GNG2: variants seen among roughly 807,000 people sequenced by gnomAD.
The protein encoded by GNG2 is G protein subunit gamma 2.
Under a neutral mutation model 5.5 loss-of-function variants are expected in GNG2, and 5 were observed. The ratio of observed to expected loss-of-function variants is 0.91; its 90% CI spans 0.48 to 1.92. The LOEUF is 1.92. GNG2 is among the 30% of genes most tolerant of loss of function. GNG2 has a pLI of 0.01. For missense variants in GNG2, 55 were observed against 88.4 expected (o/e 0.62, Z 1.52); for synonymous variants, 28 against 32.0 (o/e 0.88, Z 0.42).
chr14:51,890,446 T>C (rs1478242952), intron 2 of GNG2, among the ~76,000 whole-genome samples: 1 of 152,232 alleles, frequency 6.6e-6, no homozygotes. Flanking sequence ...GTAAAACCAA[T>C]GTAACTCTAC....
intron 2 of GNG2, among the ~76,000 whole-genome samples, chr14:51,940,587 TC>T (rs954509725): frequency 7.4e-4 from 113 of 152,294 alleles, no homozygotes; most frequent in African/African-American, 2.7e-3. Flanking sequence ...CTTTGTGACT[TC>T]CCAGTTGTTG....
chr14:51,850,669 G>A (rs1341989261), intron 2 of GNG2, among the ~76,000 whole-genome samples: 1 of 152,222 alleles, frequency 6.6e-6, no homozygotes, highest in Non-Finnish European at 1.5e-5. Context: ...CCATTCTGCA[G>A]TCTGAACAGG....
chr14:51,935,186 C>T (rs1453788398), intron 2 of GNG2, among the ~76,000 whole-genome samples: 3 of 151,874 alleles, frequency 2.0e-5, no homozygotes, highest in Middle Eastern at 3.2e-3. Flanking sequence ...CACCACGCCC[C>T]GCTAATTTTT....
chr14:51,880,780 A>T (rs1214766374), intron 2 of GNG2, among the ~76,000 whole-genome samples: 3 of 152,112 alleles, frequency 2.0e-5, no homozygotes, highest in African/African-American at 7.2e-5. Flanking sequence ...CAGATGTCTA[A>T]CAAAATGACT....
intron 1 of GNG2, among the ~76,000 whole-genome samples, chr14:51,873,698 T>G (rs188551336): frequency 2.0e-5 from 3 of 152,374 alleles, no homozygotes; most frequent in Admixed American, 2.0e-4. Flanking sequence ...GTGTCTTGTG[T>G]GCCTATGCAC....
chr14:51,904,065 G>A (rs914712983), intron 2 of GNG2, among the ~76,000 whole-genome samples: 13 of 152,164 alleles, frequency 8.5e-5, no homozygotes, highest in Non-Finnish European at 1.9e-4. Flanking sequence ...ATGCAGGATG[G>A]GTAGACAGAA....
At position 51,884,996 on chromosome 14, in the gene GNG2, G is replaced by C. The variant is rs1475710808; in HGVS notation, c.-30+7339G>C. Among the ~76,000 whole-genome samples the C allele has an allele frequency of 2.0e-5, 3 of 152,290 alleles. No homozygotes were observed. The East Asian group carries it at 5.8e-4, about 29-fold the overall frequency. On this transcript the variant is annotated intron_variant, in intron 2 of 3. Transcript: ENST00000556766. ...ATCATGGAAAGCTGTGTTTCAGTCT[G>C]TGGACAGAATCAGGTCCAATGCACA... is the stretch of plus-strand genomic sequence containing the variant.
chr14:51,867,558 A>T (rs1295666593), intron 1 of GNG2, among the ~76,000 whole-genome samples: 1 of 152,202 alleles, frequency 6.6e-6, no homozygotes, highest in African/African-American at 2.4e-5. Context: ...TGATTGGGAA[A>T]ATATCTTGAT....
At chr14:51,936,873 G>C (rs1008508765) in intron 2 of GNG2, among the ~76,000 whole-genome samples, 10 of 152,100 alleles carry the variant, frequency 6.6e-5, no homozygotes, top group Middle Eastern at 3.2e-3. Context: ...ATTATATCTT[G>C]ATAAAACTGA....
chr14:51,859,563 T>G (rs1882325976), upstream of GNG2, among the ~76,000 whole-genome samples: 1 of 152,228 alleles, frequency 6.6e-6, no homozygotes, highest in African/African-American at 2.4e-5. Flanking sequence ...GTATACCATC[T>G]CATTTAATCC....
Position 51,950,738 on chromosome 14 carries a change from G to A in GNG2, c.60G>A (p.Lys20=), listed in dbSNP as rs1264658365. Residue 20 remains lysine (K), a synonymous_variant, in exon 3 of 4, where the codon AAG becomes AAA. Transcript: ENST00000556766. ...CCAGGAAGCTGGTAGAGCAGCTTAA[G>A]ATGGAAGCCAATATCGACAGGATAA... ...AQARKLVEQL[K]MEANIDRIKV... 1.2e-6 allele frequency: 2 copies of A among 1,610,328 alleles called. No individual in the cohort carries two copies.
intron 2 of GNG2, among the ~76,000 whole-genome samples, chr14:51,898,518 A>G (rs535518996): frequency 2.5e-4 from 38 of 152,362 alleles, no homozygotes; most frequent in Non-Finnish European, 4.0e-4. Flanking sequence ...GCTAAAAAAG[A>G]TCACTTATTA....
intron 3 of GNG2, among the ~76,000 whole-genome samples, chr14:51,958,220 A>C (rs1399937746): frequency 6.6e-6 from 1 of 152,164 alleles, no homozygotes; most frequent in African/African-American, 2.4e-5. Context: ...TTGGCACAGA[A>C]AGATGTTCTA....
intron 1 of GNG2, among the ~76,000 whole-genome samples, chr14:51,869,014 A>G (rs1883123399): frequency 6.6e-6 from 1 of 152,230 alleles, no homozygotes; most frequent in Admixed American, 6.5e-5. Context: ...GAAAGCAATG[A>G]CTTCTGCCCT....
chr14:51,966,114 G>A (rs911881720), intron 3 of GNG2, among the ~76,000 whole-genome samples: 18 of 139,704 alleles, frequency 1.3e-4, no homozygotes, highest in Non-Finnish European at 2.4e-4. Flanking sequence ...GGTGGCTGAG[G>A]CAAGATAATT....
At chr14:51,846,291 C>T (rs762843554) in intron 2 of GNG2, among the ~76,000 whole-genome samples, 2 of 151,976 alleles carry the variant, frequency 1.3e-5, no homozygotes, top group Admixed American at 6.5e-5. Flanking sequence ...ATTTTTTTCA[C>T]ACACAAGTTC....
At chr14:51,901,509 T>C in intron 2 of GNG2, among the ~76,000 whole-genome samples, 1 of 151,336 alleles carries the variant, frequency 6.6e-6, no homozygotes, top group East Asian at 1.9e-4. Flanking sequence ...AGTATCTCTT[T>C]ATTGAGATTA....
intron 2 of GNG2, among the ~76,000 whole-genome samples, chr14:51,903,547 GT>G (rs1448323035): frequency 3.9e-5 from 6 of 152,244 alleles, no homozygotes; most frequent in African/African-American, 1.4e-4. Flanking sequence ...AAAGAAATCT[GT>G]TTTTGGGTTA....
At chr14:51,856,889 G>T (rs1360710792), upstream of GNG2, among the ~76,000 whole-genome samples, 2 of 152,140 alleles carry the variant, frequency 1.3e-5, no homozygotes, top group African/African-American at 4.8e-5. Context: ...GATTTCTATA[G>T]AAAATTTGCA....
Sources: allele counts gnomAD v4.1 joint callset (sites outside exome capture counted in the v4.1 genomes callset), GRCh38; gene constraint gnomAD v4.1.1; transcripts MANE v1.5; gene names NCBI Gene and HGNC (gene_info 2026-07-23, HGNC 2026-07-21).